ITGB2: variants seen among roughly 807,000 people sequenced by gnomAD.
ITGB2 encodes the protein integrin subunit beta 2.
ITGB2 carries 56 observed loss-of-function variants against 86.8 expected under a neutral mutation model. The observed-to-expected ratio is 0.65, with a 90% CI of 0.52 to 0.81. The LOEUF (loss-of-function observed/expected upper bound fraction) is 0.81. Ranked by LOEUF, ITGB2 falls within the 30% of genes least tolerant of loss-of-function variation. The pLI is 0.00. For synonymous variants in ITGB2, 457 were observed against 450.4 expected, an observed-to-expected ratio of 1.01 and a Z score of -0.19; for missense variants, 948 against 1,061.2, an observed-to-expected ratio of 0.89 and a Z score of 1.48.
At position 44,906,909 on chromosome 21, in the gene ITGB2, G is replaced by A. The variant is rs755084700; in HGVS notation, c.328+6C>T. The stretch of plus-strand genomic sequence containing the variant: ...TGCCTGGCACCACCACCGAGGCCAA[G>A]CCTACCTGGTCGCAGGTAAAGCGTC... On this transcript the variant is annotated splice_donor_region_variant and intron_variant, in intron 4 of 15. Coordinates refer to ENST00000652462, the MANE Select transcript of ITGB2 (RefSeq NM_000211.5). The A allele has an allele frequency of 1.9e-6, 3 of 1,614,086 alleles. No homozygotes were observed. The highest frequency in any genetic ancestry group is 2.5e-6 in the Non-Finnish European group (3 of 1,179,908).
chr21:44,919,598 C>G (rs1369800131), intron 1 of ITGB2, among the ~76,000 whole-genome samples: 1 of 152,214 alleles, frequency 6.6e-6, no homozygotes, highest in Non-Finnish European at 1.5e-5. Context: ...CCTCAGCCCC[C>G]AAACCCGCAG....
At chr21:44,886,534 G>C in intron 15 of ITGB2, 104 bp from the exon 16 acceptor site, 1 of 1,443,182 alleles carries the variant, frequency 6.9e-7, no homozygotes, top group South Asian at 1.1e-5. Flanking sequence ...CTTTGAGGAA[G>C]AGCTAGACGT....
At position 44,893,059 on chromosome 21, in the gene ITGB2, C is replaced by T. The variant is rs77384657; in HGVS notation, c.1224+345G>A. Reference sequence around the variant, plus strand: ...TGAGTAGGACTCTTGGGGGCCAAGGCGTGTGTGAAGAACCCTCCCAGCACC... The same window carrying T: ...TGAGTAGGACTCTTGGGGGCCAAGGTGTGTGTGAAGAACCCTCCCAGCACC... On this transcript the variant is annotated intron_variant, in intron 10 of 15. Coordinates refer to ENST00000652462, the MANE Select transcript of ITGB2 (RefSeq NM_000211.5). 6.9e-3 allele frequency: 2,201 copies of T among 317,530 alleles called. 55 individuals carry two copies. Among genetic ancestry groups the T allele is most frequent in the African/African-American group, 0.044 (2,041 of 46,316 alleles). 19.7% of individuals were successfully genotyped at this position (317,530 alleles called of 1,614,324 possible).
At chr21:44,925,310 G>A (rs1349247466), upstream of ITGB2, among the ~76,000 whole-genome samples, 2 of 150,996 alleles carry the variant, frequency 1.3e-5, no homozygotes, top group African/African-American at 4.9e-5. Context: ...ACTAGGTCTC[G>A]CTACGTTGCC....
intron 1 of ITGB2, among the ~76,000 whole-genome samples, chr21:44,916,988 T>C (rs2084221762): frequency 1.3e-5 from 2 of 151,908 alleles, no homozygotes; most frequent in African/African-American, 4.8e-5. Flanking sequence ...GTGCAAAAGG[T>C]AAATGGTAAT....
chr21:44,910,674 C>T (rs2084117266), intron 2 of ITGB2, 51 bp downstream of exon 2: 1 of 1,593,020 alleles, frequency 6.3e-7, no homozygotes, highest in Non-Finnish European at 8.6e-7. Context: ...CCCTGTTCTC[C>T]CTGATTGGAA....
At chr21:44,912,560 C>A (rs898742405) in intron 1 of ITGB2, among the ~76,000 whole-genome samples, 5 of 152,238 alleles carry the variant, frequency 3.3e-5, no homozygotes, top group African/African-American at 1.2e-4. Flanking sequence ...AGAACCTGCA[C>A]CCTGCTGTAA....
chr21:44,910,246 G>A, intron 3 of ITGB2, 38 bp downstream of exon 3: 2 of 1,607,428 alleles, frequency 1.2e-6, no homozygotes, highest in Non-Finnish European at 1.7e-6. Context: ...CCTCACCCAG[G>A]AGCTGGGCAG....
At chr21:44,895,775 T>C (rs2083855638) in intron 8 of ITGB2, among the ~76,000 whole-genome samples, 2 of 151,334 alleles carry the variant, frequency 1.3e-5, no homozygotes, top group South Asian at 4.2e-4. Flanking sequence ...GAGGTCGCAA[T>C]GAGCTGAGAT....
At chr21:44,888,998 T>A (rs768880344) in intron 13 of ITGB2, 103 bp from the exon 14 acceptor site, 4 of 810,378 alleles carry the variant, frequency 4.9e-6, no homozygotes, top group Non-Finnish European at 7.4e-6. Flanking sequence ...CAGGTGGGGT[T>A]GGGGCGCCCT....
chr21:44,923,538 C>T (rs777458940), upstream of ITGB2, among the ~76,000 whole-genome samples: 1 of 151,974 alleles, frequency 6.6e-6, no homozygotes, highest in African/African-American at 2.4e-5. Flanking sequence ...TTTTTGAAGC[C>T]ACTGTTGGGG....
At chr21:44,896,875 G>C (rs751608437) in intron 8 of ITGB2, among the ~76,000 whole-genome samples, 17 of 152,378 alleles carry the variant, frequency 1.1e-4, no homozygotes, top group Admixed American at 2.6e-4. Flanking sequence ...CCTGGCCCTG[G>C]TGCCACACCA....
upstream of ITGB2, among the ~76,000 whole-genome samples, chr21:44,925,013 A>C (rs1235683250): frequency 6.6e-6 from 1 of 152,224 alleles, no homozygotes; most frequent in Admixed American, 6.5e-5. Context: ...TCTTTACTAA[A>C]AAGGAAGAAA....
At chr21:44,911,879 C>A (rs1400518338) in intron 1 of ITGB2, among the ~76,000 whole-genome samples, 1 of 152,150 alleles carries the variant, frequency 6.6e-6, no homozygotes, top group African/African-American at 2.4e-5. Context: ...CCAAACCAGG[C>A]CTAGGTCGGC....
intron 1 of ITGB2, chr21:44,928,284 G>A (rs758718529): frequency 6.6e-6 from 1 of 152,230 alleles, no homozygotes; most frequent in Admixed American, 6.5e-5. Context: ...AGGCCCCCTG[G>A]GGGTGGGAAG....
upstream of ITGB2, among the ~76,000 whole-genome samples, chr21:44,924,204 C>T (rs55792001): frequency 0.25 from 37,851 of 149,798 alleles, 5,184 homozygotes; most frequent in African/African-American, 0.36. Flanking sequence ...CTGATGTGAG[C>T]GGATCACCTG....
chr21:44,912,679 C>T (rs1258730758), intron 1 of ITGB2, among the ~76,000 whole-genome samples: 2 of 152,120 alleles, frequency 1.3e-5, no homozygotes, highest in African/African-American at 4.8e-5. Flanking sequence ...AGTTCCAGCT[C>T]TCCATCTGGG....
At chr21:44,904,209 C>G (rs1417519303) in intron 4 of ITGB2, among the ~76,000 whole-genome samples, 3 of 152,230 alleles carry the variant, frequency 2.0e-5, no homozygotes, top group South Asian at 2.1e-4. Flanking sequence ...CTTCAGCCCC[C>G]CTGGGCGGCA....
chr21:44,926,297 C>G (rs1249877463), intron 1 of ITGB2, among the ~76,000 whole-genome samples: 1 of 152,178 alleles, frequency 6.6e-6, no homozygotes, highest in Non-Finnish European at 1.5e-5. Context: ...GTGCCTGTTG[C>G]ACAAGGCTGG....
Sources: gnomAD v4.1 joint callset for allele counts (sites outside exome capture counted in the v4.1 genomes callset) on GRCh38, gnomAD v4.1.1 for gene constraint, MANE v1.5 for transcripts, NCBI Gene and HGNC (gene_info 2026-07-23, HGNC 2026-07-21) for gene names.